CAMKK1: variants seen among roughly 807,000 people sequenced by gnomAD.
The protein encoded by CAMKK1 is calcium/calmodulin-dependent protein kinase kinase 1.
Under a neutral mutation model 63.5 loss-of-function variants are expected in CAMKK1, and 20 were observed. The ratio of observed to expected loss-of-function variants is 0.32; its 90% CI spans 0.22 to 0.46. The LOEUF (loss-of-function observed/expected upper bound fraction) is 0.46, where lower values mean the gene tolerates loss of function less well. Among genes scored for constraint, CAMKK1 ranks in the 20% least tolerant of loss-of-function variants. CAMKK1 has a pLI of 1.00. For synonymous variants in CAMKK1, 253 were observed against 269.0 expected (o/e 0.94, Z 0.58); for missense variants, 588 against 658.1 (o/e 0.89, Z 1.17).
chr17:3,887,304 C>A lies in CAMKK1; in HGVS notation c.-43-1574G>T, dbSNP rs779876159. Among the ~76,000 whole-genome samples, 7 of 152,154 alleles carry A rather than the reference C, an allele frequency of 4.6e-5. No individual in the cohort carries two copies. Among genetic ancestry groups the A allele is most frequent in the Non-Finnish European group, 8.8e-5 (6 of 68,024 alleles). The stretch of plus-strand genomic sequence containing the variant: ...GGGTGAGGTCCAGACCCCCTGTGCC[C>A]GGTACGCAGTGTGTTGAATGAGTAG... On this transcript the variant is annotated intron_variant, in intron 1 of 15. Coordinates refer to ENST00000348335, the MANE Select transcript of CAMKK1 (RefSeq NM_032294.3). The surrounding 1 kb of genome is among the most constrained non-coding windows in gnomAD (Gnocchi z 6.1).
At chr17:3,869,430 A>C (rs2054737231) in intron 14 of CAMKK1, 57 bp downstream of exon 14, 1 of 1,607,416 alleles carries the variant, frequency 6.2e-7, no homozygotes, top group Non-Finnish European at 8.5e-7. Context: ...GCACAGAGCA[A>C]GGCTCAGGTC....
intron 15 of CAMKK1, 194 bp downstream of exon 15, chr17:3,865,714 G>T (rs750407973): frequency 1.4e-6 from 2 of 1,422,574 alleles, no homozygotes; most frequent in East Asian, 5.1e-5. Context: ...TGAAGCAAGA[G>T]CTGGGCCCAA....
At chr17:3,868,227 GCGCCGTCT>G (rs2054643604) in intron 14 of CAMKK1, among the ~76,000 whole-genome samples, 2 of 82,346 alleles carry the variant, frequency 2.4e-5, no homozygotes, top group Non-Finnish European at 2.6e-5. Flanking sequence ...GGAGAAGCAG[GCGCCGTCT>G]AACTGATACG....
intron 12 of CAMKK1, among the ~76,000 whole-genome samples, chr17:3,871,340 T>TTTTTTG (rs2054845991): frequency 2.5e-5 from 2 of 79,068 alleles, no homozygotes; most frequent in African/African-American, 6.7e-5. Context: ...TTTGTTTTTT[T>TTTTTTG]TTTTTTGTTT....
intron 7 of CAMKK1, chr17:3,881,975 G>C: frequency 1.9e-6 from 1 of 528,010 alleles, no homozygotes; most frequent in Non-Finnish European, 3.3e-6. Context: ...GTAGGGAGTG[G>C]AGACTAAAGC....
In CAMKK1 at chr17:3,890,727, G is replaced by A; in HGVS notation, c.-44+2212C>T. ...CAGCCACACCACAGCTTCCCAAATT[G>A]CATACTCTGTTCTGCTGCCAGGCCT... On this transcript the variant is annotated intron_variant, in intron 1 of 15. Coordinates refer to ENST00000348335, the MANE Select transcript of CAMKK1 (RefSeq NM_032294.3). This position sits in a 1 kb window ranked among gnomAD's most constrained non-coding sequence, Gnocchi z 6.5. The A allele has an allele frequency of 1.3e-6, 1 of 779,596 alleles. No homozygotes were observed. 48.3% of individuals were successfully genotyped at this position (779,596 alleles called of 1,614,324 possible). A position where few individuals can be genotyped will look rare whatever the true frequency, so the allele number is the denominator to read the frequency against.
chr17:3,870,470 A>G (rs996687683), intron 12 of CAMKK1, among the ~76,000 whole-genome samples: 2 of 151,280 alleles, frequency 1.3e-5, no homozygotes, highest in Admixed American at 6.6e-5. Context: ...GGTTCATGCC[A>G]TTCTCCTGCC....
At chr17:3,864,996 G>C (rs189950132) in intron 15 of CAMKK1, among the ~76,000 whole-genome samples, 6 of 152,328 alleles carry the variant, frequency 3.9e-5, no homozygotes, top group Admixed American at 2.6e-4. Flanking sequence ...CTTCCACACA[G>C]AGCAGGCCAG....
At chr17:3,868,245 G>A (rs373399703) in intron 14 of CAMKK1, among the ~76,000 whole-genome samples, 58 of 111,488 alleles carry the variant, frequency 5.2e-4, no homozygotes, top group African/African-American at 1.7e-3. Context: ...TAACTGATAC[G>A]TGGGCTCTGG....
chr17:3,871,384 T>C (rs1335724965), intron 12 of CAMKK1, among the ~76,000 whole-genome samples: 2 of 132,106 alleles, frequency 1.5e-5, no homozygotes, highest in African/African-American at 2.8e-5. Context: ...AGACAGAGTC[T>C]CGCTCTGTCG....
rs377057845 is a variant in CAMKK1, at chr17:3,885,349, G to C, written c.339C>G (p.His113Gln). 1.2e-5 allele frequency: 20 copies of C among 1,600,264 alleles called. No individual in the cohort carries two copies. The highest frequency in any genetic ancestry group is 1.6e-5 in the Non-Finnish European group (19 of 1,171,088). ...AWRRPTIESH[H>Q]VAISDAEDCV... ...CAACCTCTGCATCTGAGATGGCCACGTGGTGGGACTCGATGGTGGGCCTCC... is the reference window on the plus strand; with the variant it reads ...CAACCTCTGCATCTGAGATGGCCACCTGGTGGGACTCGATGGTGGGCCTCC... Residue 113 changes from histidine (H) to glutamine (Q), a missense_variant, in exon 2 of 16, where the codon CAC (histidine) becomes CAG (glutamine). By Grantham distance (24) the His-to-Gln change is conservative. Coordinates refer to ENST00000348335, the MANE Select transcript of CAMKK1 (RefSeq NM_032294.3).
In CAMKK1 at chr17:3,885,336, C is replaced by A. The variant is rs1377204087; in HGVS notation, c.352G>T (p.Asp118Tyr). The change falls in exon 2 of 16, where the codon GAT (aspartate) becomes TAT (tyrosine). Residue 118 changes from aspartate to tyrosine, a missense_variant. Physicochemically the swap from Asp to Tyr is radical, Grantham distance 160. This residue lies in a region of CAMKK1 where 357 missense variants were observed against 407.4 expected (regional missense o/e 0.88). Coordinates refer to ENST00000348335, the MANE Select transcript of CAMKK1 (RefSeq NM_032294.3). ...TIESHHVAIS[D>Y]AEDCVQLNQY... ...CGTTCTGCCCCACCAACCTCTGCAT[C>A]TGAGATGGCCACGTGGTGGGACTCG... The A allele has an allele frequency of 1.3e-6, 2 of 1,593,412 alleles. No homozygotes were observed. Among genetic ancestry groups the A allele is most frequent in the Admixed American group, 1.7e-5 (1 of 58,814 alleles).
At position 3,865,744 on chromosome 17, in the gene CAMKK1, A is replaced by G. The variant is rs1190389187; in HGVS notation, c.1445+164T>C. ...GCCCAAAAGGTCCCTTCTAGCCCCGACTAACCTTGGGGACAGAGATGCAAA... is the reference window on the plus strand; with the variant it reads ...GCCCAAAAGGTCCCTTCTAGCCCCGGCTAACCTTGGGGACAGAGATGCAAA... On this transcript the variant is annotated intron_variant, in intron 15 of 15. Transcript: ENST00000348335. 2.1e-6 allele frequency: 3 copies of G among 1,444,294 alleles called. No homozygotes were observed. The Admixed American group carries it at 7.9e-5, about 38-fold the overall frequency. The allele number at this position is 1,444,294 out of a possible 1,614,324, so 89.5% of individuals were successfully genotyped here.
chr17:3,873,482 C>A lies in CAMKK1; in HGVS notation c.997-20G>T, dbSNP rs1448764357. ...CAAGGCCTGGAAAGAAACATGCTCACATCAGTCCCCAACAGGCACAGCCAC... is the reference window on the plus strand; with the variant it reads ...CAAGGCCTGGAAAGAAACATGCTCAAATCAGTCCCCAACAGGCACAGCCAC... On this transcript the variant is annotated intron_variant, in intron 10 of 15. Transcript: ENST00000348335. 1 of 1,613,872 alleles carries A rather than the reference C, an allele frequency of 6.2e-7. No homozygotes were observed. Among genetic ancestry groups the A allele is most frequent in the Non-Finnish European group, 8.5e-7 (1 of 1,179,808 alleles).
rs575569663 is a variant in CAMKK1 at position 3,880,827 on chromosome 17, T to C, written c.708-393A>G. On this transcript the variant is annotated intron_variant, in intron 8 of 15. Transcript: ENST00000348335. ...AATAAGTAGAATATATCAGAATATATTGCATGTAGTAAAGATATATGCTGC... is the reference window on the plus strand; with the variant it reads ...AATAAGTAGAATATATCAGAATATACTGCATGTAGTAAAGATATATGCTGC... Among the ~76,000 whole-genome samples the C allele has an allele frequency of 7.2e-5, 11 of 152,098 alleles. No individual in the cohort carries two copies. The South Asian group carries it at 1.7e-3, about 23-fold the overall frequency.
intron 9 of CAMKK1, among the ~76,000 whole-genome samples, chr17:3,876,834 T>C (rs2055186247): frequency 6.8e-6 from 1 of 147,722 alleles, no homozygotes; most frequent in African/African-American, 2.5e-5. Flanking sequence ...CTCGGCTCAC[T>C]GCAGCCTCCA....
chr17:3,891,595 G>C (rs1450476173), intron 1 of CAMKK1, among the ~76,000 whole-genome samples: 1 of 152,206 alleles, frequency 6.6e-6, no homozygotes, highest in South Asian at 2.1e-4. Flanking sequence ...CGTGGCTGGA[G>C]TGGAGTCTTC....
At chr17:3,878,077 C>T (rs1269306955) in intron 9 of CAMKK1, among the ~76,000 whole-genome samples, 1 of 152,160 alleles carries the variant, frequency 6.6e-6, no homozygotes, top group Non-Finnish European at 1.5e-5. Context: ...CCTCTGAGAC[C>T]CCACATCCTG....
Position 3,884,473 on chromosome 17 carries a change from G to T in CAMKK1, c.361-46C>A. The T allele has an allele frequency of 6.3e-7, 1 of 1,581,982 alleles. No homozygotes were observed. The highest frequency in any genetic ancestry group is 1.3e-5 in the African/African-American group (1 of 74,370). ...CCAGGTGGAGCTGGGTCCGGAGGCAGCACTGCTCCTACCTCAGAGCCCGTT... is the reference window on the plus strand; with the variant it reads ...CCAGGTGGAGCTGGGTCCGGAGGCATCACTGCTCCTACCTCAGAGCCCGTT... On this transcript the variant is annotated intron_variant, in intron 2 of 15. Transcript: ENST00000348335. The surrounding 1 kb of genome is among the most constrained non-coding windows in gnomAD (Gnocchi z 4.5).
Sources: allele counts gnomAD v4.1 joint callset (sites outside exome capture counted in the v4.1 genomes callset), GRCh38; gene constraint gnomAD v4.1.1; regional missense constraint gnomAD v4.1.1; non-coding constraint Gnocchi (gnomAD v3.1); transcripts MANE v1.5; gene names NCBI Gene and HGNC (gene_info 2026-07-23, HGNC 2026-07-21).